EP400: variants seen among roughly 807,000 people sequenced by gnomAD.
EP400 encodes E1A binding protein p400, also known as E1A-binding protein p400.
Under a neutral mutation model 354.1 loss-of-function variants are expected in EP400, and 105 were observed. The ratio of observed to expected loss-of-function variants is 0.30; its 90% CI spans 0.25 to 0.35. The LOEUF is 0.35. Among genes scored for constraint, EP400 ranks in the 10% least tolerant of loss-of-function variants. EP400 has a pLI of 1.00. For synonymous variants in EP400, 1,646 were observed against 1,716.9 expected, an observed-to-expected ratio of 0.96 and a Z score of 1.02; for missense variants, 3,280 against 4,121.0, an observed-to-expected ratio of 0.80 and a Z score of 5.59.
At chr12:131,999,850 A>G (rs1236495263) in intron 12 of EP400, among the ~76,000 whole-genome samples, 1 of 152,154 alleles carries the variant, frequency 6.6e-6, no homozygotes, top group Admixed American at 6.6e-5. Context: ...TTATTGGCAT[A>G]CATTGTCAAT....
At chr12:131,963,409 A>C (rs2136468732) in intron 2 of EP400, 1 of 688,642 alleles carries the variant, frequency 1.5e-6, no homozygotes, top group South Asian at 1.8e-5. Context: ...ACAGGAATTG[A>C]TGCAAAAACA....
intron 32 of EP400, among the ~76,000 whole-genome samples, chr12:132,040,872 A>G (rs1051641697): frequency 9.9e-5 from 15 of 152,186 alleles, no homozygotes; most frequent in African/African-American, 3.1e-4. Context: ...CACCTAAGAG[A>G]GTCGCTCTGA....
At chr12:132,014,364 G>A (rs1418127203) in intron 19 of EP400, among the ~76,000 whole-genome samples, 1 of 152,192 alleles carries the variant, frequency 6.6e-6, no homozygotes, top group African/African-American at 2.4e-5. Flanking sequence ...GGGGTGGAAT[G>A]CGCCACGCAA....
At chr12:132,030,233 C>G in intron 29 of EP400, 75 bp downstream of exon 29, 1 of 1,534,608 alleles carries the variant, frequency 6.5e-7, no homozygotes, top group Non-Finnish European at 8.9e-7. Context: ...TGTGTAAATT[C>G]AGTGGTCTCA....
rs767711234 is a variant in EP400, at chr12:132,029,918, G to A, written c.5584+15G>A. 8.7e-6 allele frequency: 14 copies of A among 1,611,500 alleles called. No homozygotes were observed. Among genetic ancestry groups the A allele is most frequent in the Non-Finnish European group, 1.2e-5 (14 of 1,179,298 alleles). ...GTTCGACTCAGGTATGCGGCAGTTG[G>A]GGGCGTGGCCCGTGCGGGAGCTGCA... On this transcript the variant is annotated intron_variant, in intron 28 of 52. Coordinates refer to ENST00000389561, the MANE Select transcript of EP400 (RefSeq NM_015409.5). The surrounding 1 kb of genome is among the most constrained non-coding windows in gnomAD (Gnocchi z 4.7).
rs1331057105 is a variant in EP400 at position 132,027,399 on chromosome 12, T to A, written c.5015-38T>A. 6.2e-7 allele frequency: 1 copy of A among 1,604,924 alleles called. No homozygotes were observed. The highest frequency in any genetic ancestry group is 1.1e-5 in the South Asian group (1 of 90,812). On this transcript the variant is annotated intron_variant, in intron 25 of 52. Coordinates refer to ENST00000389561, the MANE Select transcript of EP400 (RefSeq NM_015409.5). This position sits in a 1 kb window ranked among gnomAD's most constrained non-coding sequence, Gnocchi z 4.9. ...GGTGTCAGATGAAATCCTGTGAACT[T>A]GGCGTTCCTTTTCACCTCTTCCTTT...
chr12:132,073,930 T>G lies in EP400; in HGVS notation c.9022-2586T>G, dbSNP rs1315512654. On this transcript the variant is annotated intron_variant, in intron 51 of 52. Coordinates refer to ENST00000389561, the MANE Select transcript of EP400 (RefSeq NM_015409.5). ...CATTGTTTTTTGGGGTTTTTTTTTT[T>G]TTTTTTTTTTTTTTTTGAGACGGAG... 4.6e-5 allele frequency among the ~76,000 whole-genome samples: 6 copies of G among 129,908 alleles called. No homozygotes were observed. In the East Asian group the frequency reaches 8.4e-4, roughly 18 times the overall value. 85.2% of individuals were successfully genotyped at this position (129,908 alleles called of 152,430 possible).
At chr12:132,058,621 G>A (rs1470533401) in intron 45 of EP400, among the ~76,000 whole-genome samples, 2 of 152,018 alleles carry the variant, frequency 1.3e-5, no homozygotes, top group Middle Eastern at 6.8e-3. Context: ...AAGTGCTGGG[G>A]TTACAGGCGT....
chr12:131,960,608 A>C lies in EP400; in HGVS notation c.-12A>C, dbSNP rs773939924. ...AGGAGAACGACACATTGGATACAGA[A>C]GGGAGGTGATCATGCACCATGGCAC... is the stretch of plus-strand genomic sequence containing the variant. On this transcript the variant is annotated 5_prime_UTR_variant, in exon 2 of 53. Coordinates refer to ENST00000389561, the MANE Select transcript of EP400 (RefSeq NM_015409.5). The C allele has an allele frequency of 1.9e-6, 3 of 1,579,720 alleles. No homozygotes were observed. Among genetic ancestry groups the C allele is most frequent in the Non-Finnish European group, 1.7e-6 (2 of 1,163,226 alleles).
At position 132,044,878 on chromosome 12, in the gene EP400, A is replaced by G. The variant is rs779496887; in HGVS notation, c.6709A>G (p.Thr2237Ala). The change falls in exon 37 of 53, where the codon ACT (threonine) becomes GCT (alanine). Residue 2237 changes from threonine (T) to alanine (A), a missense_variant. Thr to Ala is a moderately conservative substitution (Grantham distance 58). Around this residue, in one of 20 missense-constraint regions of EP400, gnomAD observed 231 missense variants for 257.9 expected, o/e 0.90. Transcript: ENST00000389561. ...DSVMCLMYEA[T>A]PIPEAKLPPV... ...GGTCATGTGTCTCATGTATGAAGCC[A>G]CTCCCATCCCAGAGGCTAAGCTGCC... The G allele has an allele frequency of 1.3e-5, 21 of 1,613,956 alleles. 1 individual carries two copies. The South Asian group carries it at 1.8e-4, about 14-fold the overall frequency.
chr12:131,954,037 C>A (rs1280505685), intron 1 of EP400, among the ~76,000 whole-genome samples: 1 of 152,062 alleles, frequency 6.6e-6, no homozygotes, highest in African/African-American at 2.4e-5. Flanking sequence ...CGCTTGAGCC[C>A]AGGAGACAGA....
chr12:131,996,210 A>G (rs757296597), intron 12 of EP400, among the ~76,000 whole-genome samples: 2 of 151,860 alleles, frequency 1.3e-5, no homozygotes, highest in Non-Finnish European at 1.5e-5. Flanking sequence ...GCACGTGTGC[A>G]TGAGTGGCTT....
chr12:131,980,033 G>A (rs185197821), intron 3 of EP400, among the ~76,000 whole-genome samples: 2 of 152,340 alleles, frequency 1.3e-5, no homozygotes, highest in Non-Finnish European at 2.9e-5. Flanking sequence ...GTATGCATTT[G>A]TAGGCTCTTG....
chr12:132,059,689 G>A (rs551035513), intron 45 of EP400, among the ~76,000 whole-genome samples: 3 of 152,328 alleles, frequency 2.0e-5, no homozygotes, highest in Admixed American at 6.5e-5. Context: ...AAAGATGTGC[G>A]ATATTGGGAT....
chr12:132,070,741 T>A lies in EP400; in HGVS notation c.9021+1100T>A, dbSNP rs1471876931. ...TACTTAAGTCTTTTTTAATGCCTTTTAATGAAGTTTTCTAATATTTTGTGA... is the reference window on the plus strand; with the variant it reads ...TACTTAAGTCTTTTTTAATGCCTTTAAATGAAGTTTTCTAATATTTTGTGA... On this transcript the variant is annotated intron_variant, in intron 51 of 52. Transcript: ENST00000389561. The surrounding 1 kb of genome is among the most constrained non-coding windows in gnomAD (Gnocchi z 4.1). Among the ~76,000 whole-genome samples, 2 of 152,256 alleles carry A rather than the reference T, an allele frequency of 1.3e-5. No individual in the cohort carries two copies. Among genetic ancestry groups the A allele is most frequent in the Non-Finnish European group, 2.9e-5 (2 of 68,046 alleles).
chr12:131,991,802 G>T (rs905238497), intron 10 of EP400, among the ~76,000 whole-genome samples: 1 of 151,876 alleles, frequency 6.6e-6, no homozygotes, highest in African/African-American at 2.4e-5. Flanking sequence ...GCCCAGGCTG[G>T]TCTCAAACTC....
At chr12:132,022,396 T>C (rs1894148507) in intron 23 of EP400, among the ~76,000 whole-genome samples, 1 of 152,240 alleles carries the variant, frequency 6.6e-6, no homozygotes, top group Non-Finnish European at 1.5e-5. Flanking sequence ...TTCCCCTCCT[T>C]GTTCACGGTT....
intron 19 of EP400, among the ~76,000 whole-genome samples, chr12:132,015,087 C>A (rs184032643): frequency 2.8e-4 from 42 of 152,336 alleles, no homozygotes; most frequent in Non-Finnish European, 4.6e-4. Context: ...GCATGTGGAG[C>A]CTGGGCACCC....
chr12:132,016,334 GTC>G (rs1033305031), intron 19 of EP400, among the ~76,000 whole-genome samples: 18 of 151,942 alleles, frequency 1.2e-4, no homozygotes, highest in African/African-American at 4.4e-4. Context: ...TCCAGGCGCC[GTC>G]TCTCCTGTGG....
Sources: allele counts gnomAD v4.1 joint callset (sites outside exome capture counted in the v4.1 genomes callset), GRCh38; gene constraint gnomAD v4.1.1; regional missense constraint gnomAD v4.1.1; non-coding constraint Gnocchi (gnomAD v3.1); transcripts MANE v1.5; gene names NCBI Gene and HGNC (gene_info 2026-07-23, HGNC 2026-07-21).